HECW2: variants seen among roughly 807,000 people sequenced by gnomAD.
HECW2 encodes the protein HECT, C2 and WW domain containing E3 ubiquitin protein ligase 2.
Under a neutral mutation model 175.2 loss-of-function variants are expected in HECW2, and 61 were observed. The ratio of observed to expected loss-of-function variants is 0.35; its 90% CI spans 0.28 to 0.43. The LOEUF (loss-of-function observed/expected upper bound fraction) is 0.43, where lower values mean the gene tolerates loss of function less well. Among genes scored for constraint, HECW2 ranks in the 20% least tolerant of loss-of-function variants. The probability of loss-of-function intolerance (pLI) is 1.00; values close to 1 mark genes in which losing one functional copy is unlikely to be tolerated. For synonymous variants in HECW2, 671 were observed against 731.0 expected, an observed-to-expected ratio of 0.92 and a Z score of 1.32; for missense variants, 1,524 against 2,000.5, an observed-to-expected ratio of 0.76 and a Z score of 4.54.
At chr2:196,353,753 T>TTTTAACC (rs1693257487) in intron 2 of HECW2, among the ~76,000 whole-genome samples, 2 of 152,324 alleles carry the variant, frequency 1.3e-5, no homozygotes, top group Admixed American at 6.5e-5. Context: ...GAATAATGCT[T>TTTTAACC]TTTAACCAAC....
At chr2:196,254,146 C>T (rs1688961476) in intron 18 of HECW2, 117 bp from the exon 19 acceptor site, 1 of 1,413,328 alleles carries the variant, frequency 7.1e-7, no homozygotes, top group Non-Finnish European at 9.4e-7. Flanking sequence ...AAGAGAGCAT[C>T]CGCCCCCTTT....
chr2:196,528,245 G>C (rs2125447848), intron 1 of HECW2, among the ~76,000 whole-genome samples: 1 of 152,196 alleles, frequency 6.6e-6, no homozygotes, highest in East Asian at 1.9e-4. Context: ...TTACATAAAT[G>C]TGTAATGATT....
At chr2:196,398,622 G>T (rs982857313) in intron 2 of HECW2, among the ~76,000 whole-genome samples, 1 of 152,074 alleles carries the variant, frequency 6.6e-6, no homozygotes, top group African/African-American at 2.4e-5. Context: ...TCGGTCCAAG[G>T]TGGCATCTTT....
chr2:196,249,377 A>C (rs1688774446), intron 19 of HECW2, among the ~76,000 whole-genome samples: 2 of 152,202 alleles, frequency 1.3e-5, no homozygotes, highest in Non-Finnish European at 2.9e-5. Flanking sequence ...GCACTCTAAC[A>C]GCTGCAAAAA....
intron 1 of HECW2, among the ~76,000 whole-genome samples, chr2:196,554,129 G>T (rs1227310499): frequency 2.0e-5 from 3 of 152,186 alleles, no homozygotes; most frequent in Non-Finnish European, 2.9e-5. Flanking sequence ...ACGAGGTCAG[G>T]AGATCGAGAC....
At chr2:196,205,445 T>G (rs557757721) in intron 28 of HECW2, among the ~76,000 whole-genome samples, 1 of 152,294 alleles carries the variant, frequency 6.6e-6, no homozygotes. Context: ...TATCCACATT[T>G]TGAGGACAAG....
intron 1 of HECW2, among the ~76,000 whole-genome samples, chr2:196,577,869 AAACAAC>A (rs1490415925): frequency 6.6e-6 from 1 of 152,180 alleles, no homozygotes; most frequent in Non-Finnish European, 1.5e-5. Flanking sequence ...GTCAATAAAT[AAACAAC>A]AACAACGAGC....
chr2:196,280,814 A>G (rs766498945), intron 14 of HECW2, among the ~76,000 whole-genome samples: 1 of 152,244 alleles, frequency 6.6e-6, no homozygotes, highest in Non-Finnish European at 1.5e-5. Flanking sequence ...TAAAATAGCA[A>G]TTAAACTATT....
chr2:196,234,370 C>G (rs967002663), intron 21 of HECW2, among the ~76,000 whole-genome samples: 40 of 151,984 alleles, frequency 2.6e-4, no homozygotes, highest in African/African-American at 9.4e-4. Flanking sequence ...TCACTGTAAC[C>G]TTGAGCTCCT....
intron 2 of HECW2, among the ~76,000 whole-genome samples, chr2:196,413,597 G>C (rs1036786088): frequency 6.6e-6 from 1 of 152,016 alleles, no homozygotes; most frequent in Non-Finnish European, 1.5e-5. Flanking sequence ...CACCCGCCTT[G>C]GCCTCCCAAA....
intron 17 of HECW2, among the ~76,000 whole-genome samples, chr2:196,266,091 G>A (rs1384300372): frequency 1.3e-5 from 2 of 151,812 alleles, no homozygotes; most frequent in Admixed American, 1.3e-4. Context: ...AGCACTTTGG[G>A]AGGCTGAAGC....
chr2:196,400,858 G>C (rs1298411290), intron 2 of HECW2, among the ~76,000 whole-genome samples: 1 of 149,478 alleles, frequency 6.7e-6, no homozygotes, highest in Non-Finnish European at 1.5e-5. Context: ...TCCATGTCTT[G>C]TATTCAACTT....
At chr2:196,584,886 T>G (rs974511995) in intron 1 of HECW2, among the ~76,000 whole-genome samples, 1 of 152,166 alleles carries the variant, frequency 6.6e-6, no homozygotes, top group East Asian at 1.9e-4. Flanking sequence ...GTTTTTTCAT[T>G]TGTTGCTTAT....
chr2:196,393,499 G>A (rs1458367321), intron 2 of HECW2, among the ~76,000 whole-genome samples: 1 of 152,106 alleles, frequency 6.6e-6, no homozygotes, highest in Non-Finnish European at 1.5e-5. Context: ...CAAAGGATAT[G>A]AATAGACAAT....
In HECW2 at chr2:196,433,334, G is replaced by A. The variant is rs150096627; in HGVS notation, c.90C>T (p.Ser30=). The part of the protein sequence containing the change: ...RYTLSPENLQ[S]LAAQSSMPEN... ...CTGGCATGGAGCTCTGGGCGGCAAG[G>A]CTCTGGAGGTTCTCTGGGCTCAATG... The change falls in exon 2 of 29, where the codon AGC becomes AGT. Residue 30 remains serine, a synonymous_variant. Coordinates refer to ENST00000644978, the MANE Select transcript of HECW2 (RefSeq NM_001348768.2). 9 of 1,614,030 alleles carry A rather than the reference G, an allele frequency of 5.6e-6. No individual in the cohort carries two copies. In the African/African-American group the frequency reaches 1.1e-4, roughly 19 times the overall value.
chr2:196,362,031 C>T (rs1393086202), intron 2 of HECW2: 1 of 985,250 alleles, frequency 1.0e-6, no homozygotes, highest in Non-Finnish European at 1.2e-6. Context: ...GCTCCTGCTT[C>T]TCTTCCTCTT....
chr2:196,399,102 A>G (rs1462649396), intron 2 of HECW2, among the ~76,000 whole-genome samples: 1 of 152,192 alleles, frequency 6.6e-6, no homozygotes, highest in Non-Finnish European at 1.5e-5. Context: ...ATCTATTCTT[A>G]ATCTCCAGAG....
intron 14 of HECW2, among the ~76,000 whole-genome samples, chr2:196,280,239 AG>A (rs1263197794): frequency 3.3e-5 from 5 of 152,364 alleles, no homozygotes; most frequent in Middle Eastern, 6.8e-3. Flanking sequence ...GCCAAATAAC[AG>A]GCAAAAAAGA....
intron 11 of HECW2, 124 bp from the exon 12 acceptor site, chr2:196,307,357 T>G: frequency 1.1e-5 from 6 of 528,284 alleles, no homozygotes; most frequent in Non-Finnish European, 2.0e-5. Flanking sequence ...CCAACCCCCA[T>G]TCCCTGGACT....
Sources: gnomAD v4.1 joint callset for allele counts (sites outside exome capture counted in the v4.1 genomes callset) on GRCh38, gnomAD v4.1.1 for gene constraint, MANE v1.5 for transcripts, NCBI Gene and HGNC (gene_info 2026-07-23, HGNC 2026-07-21) for gene names.